NRBF2: variants seen among roughly 807,000 people sequenced by gnomAD.
NRBF2 encodes the protein nuclear receptor binding factor 2, also known as nuclear receptor-binding factor 2.
In NRBF2, 12 loss-of-function variants were observed where a neutral mutation model predicts 28.5. That is an observed-to-expected ratio of 0.42 (90% CI 0.27 to 0.68). The LOEUF (loss-of-function observed/expected upper bound fraction) is 0.68, where lower values mean the gene tolerates loss of function less well. Among genes scored for constraint, NRBF2 ranks in the 30% least tolerant of loss-of-function variants. NRBF2 has a pLI of 0.24. For missense variants in NRBF2, 274 were observed against 333.5 expected, an observed-to-expected ratio of 0.82 and a Z score of 1.39; for synonymous variants, 102 against 116.5, an observed-to-expected ratio of 0.88 and a Z score of 0.80.
At chr10:63,145,589 T>G (rs1366122267) in intron 1 of NRBF2, among the ~76,000 whole-genome samples, 1 of 152,242 alleles carries the variant, frequency 6.6e-6, no homozygotes, top group African/African-American at 2.4e-5. Context: ...TTACATTATT[T>G]GCTGTTAGAA....
chr10:63,136,107 G>A (rs1476768105), intron 1 of NRBF2, among the ~76,000 whole-genome samples: 1 of 149,940 alleles, frequency 6.7e-6, no homozygotes. Flanking sequence ...ATAAGATGAG[G>A]TTTTTGAAAA....
At position 63,154,795 on chromosome 10, in the gene NRBF2, A is replaced by T. The variant is rs1175404524; in HGVS notation, c.*577A>T. On this transcript the variant is annotated 3_prime_UTR_variant, in exon 4 of 4. Coordinates refer to ENST00000277746, the MANE Select transcript of NRBF2 (RefSeq NM_030759.5). ...CTCAAGACTATCAGAAGAAATATTTAAATTTCCATTTTATGAAGAAAGGAA... is the reference window on the plus strand; with the variant it reads ...CTCAAGACTATCAGAAGAAATATTTTAATTTCCATTTTATGAAGAAAGGAA... The T allele has an allele frequency of 6.6e-6, 1 of 152,646 alleles. No individual in the cohort carries two copies. The highest frequency in any genetic ancestry group is 1.5e-5 in the Non-Finnish European group (1 of 68,038). 9.5% of individuals were successfully genotyped at this position (152,646 alleles called of 1,614,324 possible).
rs58418737 is a variant in NRBF2 at position 63,144,417 on chromosome 10, C to CTTT, written c.31-1779_31-1777dup. On this transcript the variant is annotated intron_variant, in intron 1 of 3. Transcript: ENST00000277746. Reference sequence around the variant, plus strand: ...GTAGTATGTGTCAGAATTATCTTCCCTTTTTTTTTTTTTTTGAGACACAGT... The same window carrying CTTT: ...GTAGTATGTGTCAGAATTATCTTCCCTTTTTTTTTTTTTTTTTTGAGACACAGT... Among the ~76,000 whole-genome samples, 311 of 138,954 alleles carry CTTT rather than the reference C, an allele frequency of 2.2e-3. 12 individuals are homozygous for CTTT. Among genetic ancestry groups the CTTT allele is most frequent in the South Asian group, 5.4e-3 (24 of 4,416 alleles). 91.2% of individuals were successfully genotyped at this position (138,954 alleles called of 152,430 possible).
In NRBF2 at chr10:63,144,550, G is replaced by A. The variant is rs1225778968; in HGVS notation, c.31-1659G>A. 2.0e-5 allele frequency among the ~76,000 whole-genome samples: 3 copies of A among 152,038 alleles called. No individual in the cohort carries two copies. In the East Asian group the frequency reaches 5.8e-4, roughly 29 times the overall value. ...CTGCCTCAGCCTCCTGAGTAGCTGG[G>A]ACAACAGGTGCCCCCCACCACGCCT... On this transcript the variant is annotated intron_variant, in intron 1 of 3. Coordinates refer to ENST00000277746, the MANE Select transcript of NRBF2 (RefSeq NM_030759.5).
intron 2 of NRBF2, among the ~76,000 whole-genome samples, chr10:63,150,885 A>G (rs1034867600): frequency 6.6e-6 from 1 of 152,172 alleles, no homozygotes; most frequent in Non-Finnish European, 1.5e-5. Flanking sequence ...TGCAGTTTGC[A>G]GTAGGGTTTG....
At chr10:63,149,615 A>T (rs1427443697) in intron 2 of NRBF2, among the ~76,000 whole-genome samples, 1 of 152,238 alleles carries the variant, frequency 6.6e-6, no homozygotes, top group Non-Finnish European at 1.5e-5. Context: ...TTTCTTTAAA[A>T]ATAACTTTAA....
Position 63,146,307 on chromosome 10 carries a change from T to C in NRBF2, c.115+14T>C. 1 of 1,570,368 alleles carries C rather than the reference T, an allele frequency of 6.4e-7. No individual in the cohort carries two copies. On this transcript the variant is annotated intron_variant, in intron 2 of 3. Coordinates refer to ENST00000277746, the MANE Select transcript of NRBF2 (RefSeq NM_030759.5). ...AAAAGGCTGCAGGTGAGTATTCTTA[T>C]TAAGTACTCAGTGTAAAACTGAAGA...
At chr10:63,140,324 C>T (rs1285917179) in intron 1 of NRBF2, among the ~76,000 whole-genome samples, 1 of 152,206 alleles carries the variant, frequency 6.6e-6, no homozygotes, top group African/African-American at 2.4e-5. Flanking sequence ...TGGGAAGTCC[C>T]ACAGAATCAT....
intron 1 of NRBF2, among the ~76,000 whole-genome samples, chr10:63,135,637 ATCTTGAATTCTTTTT>A (rs1841363442): frequency 6.7e-6 from 1 of 149,742 alleles, no homozygotes. Context: ...GAAATTTGGC[ATCTTGAATTCTTTTT>A]TTTTTTTTTT....
intron 2 of NRBF2, chr10:63,150,210 C>G (rs1376057854): frequency 1.1e-5 from 2 of 182,798 alleles, no homozygotes; most frequent in Non-Finnish European, 2.1e-5. Context: ...CCTCAGCCTC[C>G]CAAAGTGCTA....
intron 2 of NRBF2, among the ~76,000 whole-genome samples, chr10:63,147,321 A>T (rs974958700): frequency 2.1e-5 from 3 of 146,062 alleles, no homozygotes; most frequent in Non-Finnish European, 3.0e-5. Flanking sequence ...GAAAATTAAA[A>T]TTTTTTTTTT....
At chr10:63,148,696 A>T (rs1249500209) in intron 2 of NRBF2, among the ~76,000 whole-genome samples, 1 of 152,202 alleles carries the variant, frequency 6.6e-6, no homozygotes, top group East Asian at 1.9e-4. Flanking sequence ...AAATGTGCTG[A>T]AATAAGTTGC....
At chr10:63,139,352 C>T (rs542308107) in intron 1 of NRBF2, among the ~76,000 whole-genome samples, 1 of 152,122 alleles carries the variant, frequency 6.6e-6, no homozygotes, top group Non-Finnish European at 1.5e-5. Context: ...AACAGCTTTC[C>T]CCAAGGACAC....
At chr10:63,135,145 C>T (rs1245685056) in intron 1 of NRBF2, among the ~76,000 whole-genome samples, 1 of 152,178 alleles carries the variant, frequency 6.6e-6, no homozygotes. Flanking sequence ...CGAGATTGTG[C>T]CACTGCACTC....
intron 1 of NRBF2, among the ~76,000 whole-genome samples, chr10:63,142,488 A>C (rs975374060): frequency 1.3e-5 from 2 of 151,340 alleles, no homozygotes; most frequent in Admixed American, 1.3e-4. Context: ...CTGTATTTTA[A>C]CCAGGTGATT....
At chr10:63,145,959 G>A (rs956322764) in intron 1 of NRBF2, among the ~76,000 whole-genome samples, 2 of 152,158 alleles carry the variant, frequency 1.3e-5, no homozygotes, top group Non-Finnish European at 2.9e-5. Flanking sequence ...AGTCACTGAA[G>A]GAGTTAAGTG....
chr10:63,144,456 C>T (rs551318953), intron 1 of NRBF2, among the ~76,000 whole-genome samples: 22 of 148,934 alleles, frequency 1.5e-4, no homozygotes, highest in African/African-American at 4.9e-4. Context: ...GCTCTGTCAC[C>T]CAGGCTGGAG....
chr10:63,153,841 G>C lies in NRBF2; in HGVS notation c.487G>C (p.Asp163His). The change falls in exon 4 of 4, where the codon GAT becomes CAT. Residue 163 changes from aspartate (D) to histidine (H), a missense_variant. Physicochemically the swap from Asp to His is moderately conservative, Grantham distance 81. Coordinates refer to ENST00000277746, the MANE Select transcript of NRBF2 (RefSeq NM_030759.5). The stretch of plus-strand genomic sequence containing the variant: ...ATGTATTGGAAGCAAAGCCCCAAAA[G>C]ATGATAAAACAATTATAGAGGAGCA... ...EPCIGSKAPK[D>H]DKTIIEEQAT... 1 of 1,612,514 alleles carries C rather than the reference G, an allele frequency of 6.2e-7. No homozygotes were observed. Among genetic ancestry groups the C allele is most frequent in the Non-Finnish European group, 8.5e-7 (1 of 1,179,806 alleles).
In NRBF2 at chr10:63,153,506, A is replaced by G. The variant is rs61756005; in HGVS notation, c.157-5A>G. On this transcript the variant is annotated splice_region_variant and splice_polypyrimidine_tract_variant and intron_variant, in intron 3 of 3. Coordinates refer to ENST00000277746, the MANE Select transcript of NRBF2 (RefSeq NM_030759.5). ...TCCAATTTTATCTTTCCTTCTATGT[A>G]ATAGGCTCATCTTTCACTGGAATTG... 1.4e-3 allele frequency: 2,175 copies of G among 1,596,910 alleles called. 30 individuals are homozygous for G. In the African/African-American group the frequency reaches 0.025, roughly 19 times the overall value.
Sources: gnomAD v4.1 joint callset for allele counts (sites outside exome capture counted in the v4.1 genomes callset) on GRCh38, gnomAD v4.1.1 for gene constraint, MANE v1.5 for transcripts, NCBI Gene and HGNC (gene_info 2026-07-23, HGNC 2026-07-21) for gene names.